PICALM: variants seen among roughly 807,000 people sequenced by gnomAD.
The protein encoded by PICALM is phosphatidylinositol-binding clathrin assembly protein.
A neutral mutation model predicts 80.5 loss-of-function variants in PICALM; 40 were observed. The observed-to-expected ratio is 0.50, with a 90% CI of 0.39 to 0.65. The LOEUF (loss-of-function observed/expected upper bound fraction) is 0.65, where lower values mean the gene tolerates loss of function less well. Among genes scored for constraint, PICALM ranks in the 30% least tolerant of loss-of-function variants. PICALM has a pLI of 0.00. For missense variants in PICALM, 676 were observed against 778.9 expected (o/e 0.87, Z 1.57); for synonymous variants, 288 against 260.3 (o/e 1.11, Z -1.02).
chr11:86,055,782 G>T (rs1029234758), intron 1 of PICALM, among the ~76,000 whole-genome samples: 1 of 152,098 alleles, frequency 6.6e-6, no homozygotes, highest in African/African-American at 2.4e-5. Context: ...GAGTTGTAAA[G>T]GTGCATAACC....
chr11:86,065,665 C>T (rs1440808136), intron 1 of PICALM, among the ~76,000 whole-genome samples: 1 of 152,054 alleles, frequency 6.6e-6, no homozygotes, highest in Non-Finnish European at 1.5e-5. Context: ...CTACTAAAGG[C>T]CTAAGATTAA....
chr11:85,982,438 T>TTTTTTTTTTTTTTA (rs1565278982), intron 14 of PICALM, among the ~76,000 whole-genome samples: 5 of 135,698 alleles, frequency 3.7e-5, no homozygotes, highest in Admixed American at 7.4e-5. Context: ...TTTTTTTTTT[T>TTTTTTTTTTTTTTA]GAGACGGAGT....
chr11:86,041,520 G>T (rs893543108), intron 1 of PICALM, among the ~76,000 whole-genome samples: 1 of 150,964 alleles, frequency 6.6e-6, no homozygotes, highest in Non-Finnish European at 1.5e-5. Context: ...GAAAGATGAG[G>T]AACTGAAAAG....
chr11:85,983,852 T>C lies in PICALM; in HGVS notation c.1516+14A>G. On this transcript the variant is annotated intron_variant, in intron 14 of 19. Transcript: ENST00000393346. ...GGACATTATAATATTTTTAATAAAA[T>C]TTTTTTTCCTTACCCCCAGAATCTA... 2 of 1,088,352 alleles carry C rather than the reference T, an allele frequency of 1.8e-6. No homozygotes were observed. The highest frequency in any genetic ancestry group is 2.7e-6 in the Non-Finnish European group (2 of 732,386). 67.4% of individuals were successfully genotyped at this position (1,088,352 alleles called of 1,614,324 possible). A position where few individuals can be genotyped will look rare whatever the true frequency, so the allele number is the denominator to read the frequency against.
At chr11:86,019,260 G>A (rs1280334119) in intron 4 of PICALM, among the ~76,000 whole-genome samples, 1 of 64,068 alleles carries the variant, frequency 1.6e-5, no homozygotes, top group Non-Finnish European at 3.2e-5. Flanking sequence ...ATTTATACCT[G>A]ATATTCTTGA....
intron 11 of PICALM, among the ~76,000 whole-genome samples, chr11:86,000,101 T>C (rs2095097375): frequency 6.6e-6 from 1 of 152,254 alleles, no homozygotes; most frequent in African/African-American, 2.4e-5. Context: ...TGTTTTACTT[T>C]ACCTGGCAAT....
chr11:86,001,603 C>T lies in PICALM; in HGVS notation c.894-445G>A, dbSNP rs558036391. Among the ~76,000 whole-genome samples, 9 of 152,326 alleles carry T rather than the reference C, an allele frequency of 5.9e-5. No homozygotes were observed. In the South Asian group the frequency reaches 8.3e-4, roughly 14 times the overall value. On this transcript the variant is annotated intron_variant, in intron 9 of 19. Transcript: ENST00000393346. ...CACCAAAACATGCATACCAGTAACA[C>T]GTAACGTAAGTCTAGGTATGTTTCA...
At chr11:86,038,237 T>C (rs1018397569) in intron 1 of PICALM, among the ~76,000 whole-genome samples, 1 of 151,952 alleles carries the variant, frequency 6.6e-6, no homozygotes, top group East Asian at 1.9e-4. Flanking sequence ...GGAGAATCGC[T>C]TGAACCCAGG....
rs2095579048 is a variant in PICALM at position 86,022,350 on chromosome 11, A to C, written c.452+17T>G. 1 of 1,362,720 alleles carries C rather than the reference A, an allele frequency of 7.3e-7. No individual in the cohort carries two copies. The highest frequency in any genetic ancestry group is 1.5e-5 in the African/African-American group (1 of 68,590). The allele number at this position is 1,362,720 out of a possible 1,614,324, so 84.4% of individuals were successfully genotyped here. A position where few individuals can be genotyped will look rare whatever the true frequency, so the allele number is the denominator to read the frequency against. ...AAAAATTCAAATCAATTAGATGTCA[A>C]AAAAAGCTTAACTCACCCTCTCTTC... On this transcript the variant is annotated intron_variant, in intron 4 of 19. Transcript: ENST00000393346.
chr11:86,052,468 A>G (rs1593384618), intron 1 of PICALM, among the ~76,000 whole-genome samples: 1 of 152,220 alleles, frequency 6.6e-6, no homozygotes, highest in South Asian at 2.1e-4. Flanking sequence ...CTTCCTTCAG[A>G]TCAAAGTTAG....
chr11:86,047,152 AAC>A (rs1195120636), intron 1 of PICALM, among the ~76,000 whole-genome samples: 1 of 152,104 alleles, frequency 6.6e-6, no homozygotes, highest in Non-Finnish European at 1.5e-5. Flanking sequence ...ACACATCCAC[AAC>A]ACACACACAC....
chr11:86,052,135 T>C (rs1395131449), intron 1 of PICALM, among the ~76,000 whole-genome samples: 1 of 152,214 alleles, frequency 6.6e-6, no homozygotes, highest in African/African-American at 2.4e-5. Flanking sequence ...TGGAGATAAC[T>C]GAATCATAGC....
intron 19 of PICALM, among the ~76,000 whole-genome samples, chr11:85,972,815 A>G (rs2094151652): frequency 6.6e-6 from 1 of 152,198 alleles, no homozygotes; most frequent in African/African-American, 2.4e-5. Flanking sequence ...AAATAACAAA[A>G]TAAAAAACAA....
At chr11:86,028,838 CTTT>C (rs71040205) in intron 2 of PICALM, among the ~76,000 whole-genome samples, 22 of 126,324 alleles carry the variant, frequency 1.7e-4, no homozygotes, top group Non-Finnish European at 2.5e-4. Flanking sequence ...TTTTAATTTT[CTTT>C]TTTTTTTTTT....
chr11:85,974,634 T>C, intron 19 of PICALM, 74 bp downstream of exon 19: 2 of 964,978 alleles, frequency 2.1e-6, no homozygotes, highest in South Asian at 2.6e-5. Context: ...TCTCAAGTTG[T>C]ACAAAAGGGT....
chr11:85,982,068 G>T, intron 14 of PICALM, 65 bp from the exon 15 acceptor site: 1 of 1,447,718 alleles, frequency 6.9e-7, no homozygotes, highest in Non-Finnish European at 9.7e-7. Context: ...GTTTTCTAAA[G>T]GAGGTCTTTG....
At chr11:86,022,803 C>T (rs1256898105) in intron 3 of PICALM, among the ~76,000 whole-genome samples, 2 of 151,760 alleles carry the variant, frequency 1.3e-5, no homozygotes, top group Non-Finnish European at 2.9e-5. Context: ...AATCTCACAA[C>T]TCAAATTTAA....
At chr11:86,029,600 C>T (rs17817859) in intron 2 of PICALM, among the ~76,000 whole-genome samples, 24,007 of 152,182 alleles carry the variant, frequency 0.16, 2,446 homozygotes, top group Middle Eastern at 0.24. Context: ...GCCTCTAGTA[C>T]TATCAATTAC....
chr11:85,987,906 A>C (rs1211810666), intron 13 of PICALM, among the ~76,000 whole-genome samples: 1 of 152,266 alleles, frequency 6.6e-6, no homozygotes, highest in Non-Finnish European at 1.5e-5. Flanking sequence ...TAGCCTTAAA[A>C]AGGTTAAATA....
Sources: allele counts gnomAD v4.1 joint callset (sites outside exome capture counted in the v4.1 genomes callset), GRCh38; gene constraint gnomAD v4.1.1; transcripts MANE v1.5; gene names NCBI Gene and HGNC (gene_info 2026-07-23, HGNC 2026-07-21).